Variants in MACO1 observed in about 807,000 individuals in gnomAD.
The protein encoded by MACO1 is macoilin.
Under a neutral mutation model 78.7 loss-of-function variants are expected in MACO1, and 14 were observed. That is an observed-to-expected ratio of 0.18 (90% CI 0.12 to 0.28). The LOEUF (loss-of-function observed/expected upper bound fraction) is 0.28, where lower values mean the gene tolerates loss of function less well. MACO1 is among the 10% of genes least tolerant of loss of function. MACO1 has a pLI of 1.00. For synonymous variants in MACO1, 288 were observed against 291.6 expected, an observed-to-expected ratio of 0.99 and a Z score of 0.12; for missense variants, 501 against 799.0, an observed-to-expected ratio of 0.63 and a Z score of 4.50.
chr1:25,440,702 A>G (rs945207339), intron 1 of MACO1, among the ~76,000 whole-genome samples: 2 of 147,416 alleles, frequency 1.4e-5, no homozygotes, highest in Non-Finnish European at 3.0e-5. Context: ...TGGGAGGTAG[A>G]GGTTGCAGTG....
chr1:25,498,012 G>A (rs2043552781), intron 10 of MACO1, among the ~76,000 whole-genome samples: 1 of 152,304 alleles, frequency 6.6e-6, no homozygotes, highest in Admixed American at 6.5e-5. Context: ...ACTGCCTGCC[G>A]ATGAAGAATG....
rs959347729 is a variant in MACO1, at chr1:25,485,514, CT to C, written c.1314-98del. On this transcript the variant is annotated intron_variant, in intron 7 of 10. Coordinates refer to ENST00000374343, the MANE Select transcript of MACO1 (RefSeq NM_018202.6). The surrounding 1 kb of genome is among the most constrained non-coding windows in gnomAD (Gnocchi z 4.3). The stretch of plus-strand genomic sequence containing the variant: ...ATTTTTGATTTGCTGTTCAAACCTC[CT>C]GTTTAATTGGCCTTAAGGTGATAAA... The C allele has an allele frequency of 2.5e-5, 31 of 1,254,608 alleles. No homozygotes were observed. The highest frequency in any genetic ancestry group is 3.2e-5 in the Non-Finnish European group (29 of 911,552). 77.7% of individuals were successfully genotyped at this position (1,254,608 alleles called of 1,614,324 possible).
At chr1:25,465,030 C>G (rs1039119049) in intron 6 of MACO1, among the ~76,000 whole-genome samples, 3 of 149,088 alleles carry the variant, frequency 2.0e-5, no homozygotes, top group African/African-American at 7.5e-5. Context: ...CCAAGCTGGT[C>G]TTGAACTCCT....
intron 1 of MACO1, among the ~76,000 whole-genome samples, chr1:25,437,384 T>A (rs1330357137): frequency 6.7e-6 from 1 of 149,522 alleles, no homozygotes; most frequent in Non-Finnish European, 1.5e-5. Flanking sequence ...CTTGAACTCC[T>A]GGGCTCAAGT....
At chr1:25,467,274 G>T (rs940634934) in intron 6 of MACO1, among the ~76,000 whole-genome samples, 5 of 152,008 alleles carry the variant, frequency 3.3e-5, no homozygotes, top group African/African-American at 7.2e-5. Context: ...AAATAAAAAA[G>T]AAATCACTCT....
chr1:25,480,926 AAAAATAT>A (rs1263675147), intron 6 of MACO1, among the ~76,000 whole-genome samples: 1 of 34,806 alleles, frequency 2.9e-5, no homozygotes, highest in African/African-American at 9.7e-5. Context: ...AAAAAAAAAA[AAAAATAT>A]ATATATATAT....
At chr1:25,480,236 C>G (rs1465468898) in intron 6 of MACO1, among the ~76,000 whole-genome samples, 1 of 152,166 alleles carries the variant, frequency 6.6e-6, no homozygotes, top group Non-Finnish European at 1.5e-5. Flanking sequence ...TTGCCATTTA[C>G]TGTTTTATGT....
intron 1 of MACO1, among the ~76,000 whole-genome samples, chr1:25,431,530 T>C (rs2042868626): frequency 6.6e-6 from 1 of 151,674 alleles, no homozygotes; most frequent in Admixed American, 6.6e-5. Flanking sequence ...GAGGGCCGCT[T>C]CCGGGACCTC....
rs747050606 is a variant in MACO1, at chr1:25,431,089, C to T, written c.-10C>T. ...GCGGCGGCGCGGGCACCCGGCCCCC[C>T]AGCGGGAGGATGAAGCGGCGGAACG... On this transcript the variant is annotated 5_prime_UTR_variant, in exon 1 of 11. Coordinates refer to ENST00000374343, the MANE Select transcript of MACO1 (RefSeq NM_018202.6). 1 of 1,582,748 alleles carries T rather than the reference C, an allele frequency of 6.3e-7. No individual in the cohort carries two copies. Among genetic ancestry groups the T allele is most frequent in the Non-Finnish European group, 8.6e-7 (1 of 1,167,814 alleles).
chr1:25,488,545 G>A (rs998500602), intron 8 of MACO1, among the ~76,000 whole-genome samples: 22 of 150,720 alleles, frequency 1.5e-4, no homozygotes, highest in African/African-American at 5.4e-4. Context: ...CCAGGCTAAC[G>A]TGCTGTGACA....
intron 1 of MACO1, among the ~76,000 whole-genome samples, chr1:25,445,719 T>C (rs900691276): frequency 1.3e-5 from 2 of 152,202 alleles, no homozygotes; most frequent in South Asian, 4.1e-4. Flanking sequence ...AAATGACTAA[T>C]TTGATCACAT....
intron 6 of MACO1, among the ~76,000 whole-genome samples, chr1:25,462,797 C>CTTTTACAAGCGGGCGGGTCTTTTACA (rs756385403): frequency 6.6e-6 from 1 of 151,204 alleles, no homozygotes; most frequent in Non-Finnish European, 1.5e-5. Context: ...AAAGGGCGGG[C>CTTTTACAAGCGGGCGGGTCTTTTACA]AGTCTGGCAG....
chr1:25,456,257 C>CA (rs1044716470), intron 4 of MACO1, among the ~76,000 whole-genome samples: 2,231 of 86,228 alleles, frequency 0.026, 27 homozygotes, highest in African/African-American at 0.066. Flanking sequence ...GACTCCATTT[C>CA]AAAAAAAAAA....
In MACO1 at chr1:25,430,948, T is replaced by A. The variant is rs2042856541; in HGVS notation, c.-151T>A. 7.7e-6 allele frequency: 2 copies of A among 260,036 alleles called. No individual in the cohort carries two copies. The highest frequency in any genetic ancestry group is 2.4e-5 in the African/African-American group (1 of 40,930). 16.1% of individuals were successfully genotyped at this position (260,036 alleles called of 1,614,324 possible). A position where few individuals can be genotyped will look rare whatever the true frequency, so the allele number is the denominator to read the frequency against. On this transcript the variant is annotated 5_prime_UTR_variant, in exon 1 of 11. Transcript: ENST00000374343. ...GGAGGCTCCGAGCCCCCCCTCCCCG[T>A]GCTACCCCCTCCCCCCGGGTGCTGG...
intron 8 of MACO1, among the ~76,000 whole-genome samples, chr1:25,486,366 A>G (rs1470069344): frequency 2.6e-5 from 4 of 152,124 alleles, no homozygotes; most frequent in South Asian, 2.1e-4. Flanking sequence ...ACTACCTCCT[A>G]TACCACTGGA....
intron 10 of MACO1, among the ~76,000 whole-genome samples, chr1:25,494,724 C>G (rs1340317340): frequency 6.6e-6 from 1 of 152,040 alleles, no homozygotes; most frequent in Non-Finnish European, 1.5e-5. Flanking sequence ...CCTGAGAGTT[C>G]TGGAAGGACA....
intron 6 of MACO1, among the ~76,000 whole-genome samples, chr1:25,469,311 A>G (rs2043246883): frequency 6.6e-6 from 1 of 152,210 alleles, no homozygotes; most frequent in Non-Finnish European, 1.5e-5. Context: ...GTTGTCTGTG[A>G]TACGAGTTTT....
intron 6 of MACO1, among the ~76,000 whole-genome samples, chr1:25,468,554 G>A (rs1388823832): frequency 2.6e-5 from 4 of 152,148 alleles, no homozygotes; most frequent in African/African-American, 9.7e-5. Context: ...AGGAGAATAT[G>A]GAAATCTGGG....
At position 25,443,938 on chromosome 1, in the gene MACO1, C is replaced by CT. The variant is rs372000457; in HGVS notation, c.81-2808dup. Among the ~76,000 whole-genome samples the CT allele has an allele frequency of 3.9e-3, 567 of 143,944 alleles. 1 individual carries two copies. Among genetic ancestry groups the CT allele is most frequent in the African/African-American group, 8.0e-3 (311 of 39,060 alleles). 94.4% of individuals were successfully genotyped at this position (143,944 alleles called of 152,430 possible). On this transcript the variant is annotated intron_variant, in intron 1 of 10. Coordinates refer to ENST00000374343, the MANE Select transcript of MACO1 (RefSeq NM_018202.6). Reference sequence around the variant, plus strand: ...AGGAAAAATAATATATTTCCATGCCCTTTTTTTTTTTTTTTTAAGAGATGG... The same window carrying CT: ...AGGAAAAATAATATATTTCCATGCCCTTTTTTTTTTTTTTTTTAAGAGATGG...
Sources: gnomAD v4.1 joint callset for allele counts (sites outside exome capture counted in the v4.1 genomes callset) on GRCh38, gnomAD v4.1.1 for gene constraint, Gnocchi (gnomAD v3.1) non-coding constraint, MANE v1.5 for transcripts, NCBI Gene and HGNC (gene_info 2026-07-23, HGNC 2026-07-21) for gene names.